The following PGM5 variants were observed in gnomAD, a reference collection of about 807,000 sequenced individuals.
PGM5 encodes the protein phosphoglucomutase-like protein 5.
PGM5 carries 23 observed loss-of-function variants against 59.2 expected under a neutral mutation model. The observed-to-expected ratio is 0.39, with a 90% confidence interval of 0.28 to 0.55. The LOEUF (loss-of-function observed/expected upper bound fraction) is 0.55, where lower values mean the gene tolerates loss of function less well. Among genes scored for constraint, PGM5 ranks in the 20% least tolerant of loss-of-function variants. The pLI is 0.66. For synonymous variants in PGM5, 214 were observed against 286.0 expected, an observed-to-expected ratio of 0.75 and a Z score of 2.54; for missense variants, 574 against 748.3, an observed-to-expected ratio of 0.77 and a Z score of 2.72.
At chr9:68,444,084 A>G (rs1285961235) in intron 6 of PGM5, among the ~76,000 whole-genome samples, 1 of 141,512 alleles carries the variant, frequency 7.1e-6, no homozygotes, top group Non-Finnish European at 1.5e-5. Context: ...TTTTTGGATC[A>G]CTTTGCAGTT....
chr9:68,521,467 T>TTTTTTTAACTG (rs1427950377), intron 10 of PGM5, among the ~76,000 whole-genome samples: 6 of 151,954 alleles, frequency 3.9e-5, no homozygotes, highest in Non-Finnish European at 1.5e-5. Context: ...GAGGCAAAGG[T>TTTTTTTAACTG]CCTTTTGTTT....
intron 1 of PGM5, among the ~76,000 whole-genome samples, chr9:68,365,429 ACT>A (rs1369840413): frequency 2.0e-5 from 3 of 150,150 alleles, no homozygotes; most frequent in Non-Finnish European, 4.4e-5. Flanking sequence ...ATCTGATTTG[ACT>A]CTCTTAGTTA....
chr9:68,395,087 T>C (rs1822465721), intron 6 of PGM5, among the ~76,000 whole-genome samples: 1 of 152,198 alleles, frequency 6.6e-6, no homozygotes, highest in South Asian at 2.1e-4. Context: ...ATTTTCTCCA[T>C]ATTTTCTTCT....
chr9:68,409,179 C>A (rs1291469885), intron 6 of PGM5, among the ~76,000 whole-genome samples: 2 of 149,614 alleles, frequency 1.3e-5, no homozygotes, highest in South Asian at 2.2e-4. Context: ...AATGAGATAC[C>A]ATCTCACACC....
chr9:68,504,997 C>A (rs1824632655), intron 10 of PGM5, among the ~76,000 whole-genome samples: 1 of 152,142 alleles, frequency 6.6e-6, no homozygotes, highest in Admixed American at 6.5e-5. Flanking sequence ...AAATAAATGC[C>A]ATTTTTAAGG....
At chr9:68,514,361 G>A (rs1824794034) in intron 10 of PGM5, among the ~76,000 whole-genome samples, 1 of 152,114 alleles carries the variant, frequency 6.6e-6, no homozygotes, top group Non-Finnish European at 1.5e-5. Context: ...CAGCACTTTG[G>A]GAGGCTGAGA....
intron 10 of PGM5, among the ~76,000 whole-genome samples, chr9:68,502,881 G>T (rs879996870): frequency 3.3e-5 from 5 of 152,212 alleles, no homozygotes; most frequent in Non-Finnish European, 7.4e-5. Context: ...TAAGGACAGG[G>T]TTTTACCATG....
At chr9:68,524,226 G>C (rs1824937346) in intron 10 of PGM5, among the ~76,000 whole-genome samples, 2 of 152,180 alleles carry the variant, frequency 1.3e-5, no homozygotes, top group African/African-American at 4.8e-5. Flanking sequence ...ATATCGTAGT[G>C]CAATTTTTAA....
intron 9 of PGM5, among the ~76,000 whole-genome samples, chr9:68,492,976 G>C (rs1395626940): frequency 6.6e-6 from 1 of 152,202 alleles, no homozygotes; most frequent in African/African-American, 2.4e-5. Flanking sequence ...TAGGCTCGCA[G>C]AGTCTCTCTC....
chr9:68,433,226 G>A (rs1823383986), intron 6 of PGM5, among the ~76,000 whole-genome samples: 1 of 152,226 alleles, frequency 6.6e-6, no homozygotes, highest in Non-Finnish European at 1.5e-5. Flanking sequence ...TCTGGATTCT[G>A]TCGCTGTTTA....
intron 6 of PGM5, among the ~76,000 whole-genome samples, chr9:68,411,749 A>G (rs1355326110): frequency 1.3e-5 from 2 of 152,178 alleles, no homozygotes; most frequent in African/African-American, 4.8e-5. Context: ...AAAACAATGC[A>G]TGGAATGCCA....
intron 10 of PGM5, among the ~76,000 whole-genome samples, chr9:68,509,627 G>A (rs1365391850): frequency 2.6e-5 from 4 of 152,190 alleles, no homozygotes; most frequent in East Asian, 3.8e-4. Context: ...CGCCAGCGTC[G>A]GACAGGAGGC....
At chr9:68,473,334 G>T (rs1554686404) in intron 7 of PGM5, among the ~76,000 whole-genome samples, 1 of 152,188 alleles carries the variant, frequency 6.6e-6, no homozygotes, top group Admixed American at 6.5e-5. Context: ...CCTTTAGAAA[G>T]CCTGCCCCAG....
intron 6 of PGM5, among the ~76,000 whole-genome samples, chr9:68,431,004 T>C (rs144740873): frequency 1.8e-4 from 28 of 152,332 alleles, no homozygotes; most frequent in African/African-American, 6.7e-4. Context: ...CCTTTTCCTC[T>C]AGAATATATT....
intron 1 of PGM5, among the ~76,000 whole-genome samples, chr9:68,372,117 A>G: frequency 6.7e-6 from 1 of 150,110 alleles, no homozygotes; most frequent in South Asian, 2.1e-4. Context: ...GTATTAGATT[A>G]CAAACTTTGT....
In PGM5 at chr9:68,453,112, A is replaced by G. The variant is rs77514331; in HGVS notation, c.1044-11981A>G. Among the ~76,000 whole-genome samples the G allele has an allele frequency of 4.4e-4, 67 of 152,198 alleles. 1 individual carries two copies. The East Asian group carries it at 0.011, about 25-fold the overall frequency. ...CTCTGTGTAAATGTGAGAAATGTATACTCTACCCTCTTTGTGAAGTTTTAC... is the reference window on the plus strand; with the variant it reads ...CTCTGTGTAAATGTGAGAAATGTATGCTCTACCCTCTTTGTGAAGTTTTAC... On this transcript the variant is annotated intron_variant, in intron 6 of 10. Coordinates refer to ENST00000396396, the MANE Select transcript of PGM5 (RefSeq NM_021965.4).
chr9:68,465,319 G>A (rs1440747162), intron 7 of PGM5, 111 bp downstream of exon 7: 39 of 708,450 alleles, frequency 5.5e-5, no homozygotes, highest in Non-Finnish European at 9.5e-5. Context: ...TTAAGTAGAG[G>A]CAAAAAATCA....
At chr9:68,432,179 T>C (rs1346098698) in intron 6 of PGM5, among the ~76,000 whole-genome samples, 4 of 152,050 alleles carry the variant, frequency 2.6e-5, no homozygotes, top group African/African-American at 7.2e-5. Context: ...TTATGTTGTT[T>C]TTTATTTATT....
chr9:68,451,512 T>C (rs1823695730), intron 6 of PGM5, among the ~76,000 whole-genome samples: 1 of 152,248 alleles, frequency 6.6e-6, no homozygotes, highest in African/African-American at 2.4e-5. Context: ...TTATGTGAGA[T>C]GTGGACATAT....
Sources: allele counts gnomAD v4.1 joint callset (sites outside exome capture counted in the v4.1 genomes callset), GRCh38; gene constraint gnomAD v4.1.1; transcripts MANE v1.5; gene names NCBI Gene and HGNC (gene_info 2026-07-23, HGNC 2026-07-21).